Variants in PTPRT observed in about 807,000 individuals in gnomAD.
The protein encoded by PTPRT is protein tyrosine phosphatase receptor type T, also known as receptor-type tyrosine-protein phosphatase T.
Under a neutral mutation model 176.8 loss-of-function variants are expected in PTPRT, and 56 were observed. The observed-to-expected ratio is 0.32, with a 90% CI of 0.26 to 0.40. The LOEUF (loss-of-function observed/expected upper bound fraction) is 0.40. Ranked by LOEUF, PTPRT falls within the 10% of genes least tolerant of loss-of-function variation. The probability of loss-of-function intolerance (pLI) is 1.00; values close to 1 mark genes in which losing one functional copy is unlikely to be tolerated. For missense variants in PTPRT, 1,540 were observed against 1,908.2 expected, an observed-to-expected ratio of 0.81 and a Z score of 3.60; for synonymous variants, 783 against 739.0, an observed-to-expected ratio of 1.06 and a Z score of -0.96.
chr20:42,382,231 T>C (rs1379885911), intron 9 of PTPRT, among the ~76,000 whole-genome samples: 1 of 152,208 alleles, frequency 6.6e-6, no homozygotes, highest in Non-Finnish European at 1.5e-5. Context: ...CAATGGCATC[T>C]ATAGAGGAGA....
chr20:42,099,546 C>CCGGGGGG (rs1985675342), intron 26 of PTPRT, among the ~76,000 whole-genome samples: 1 of 28,898 alleles, frequency 3.5e-5, no homozygotes, highest in Non-Finnish European at 6.8e-5. Flanking sequence ...ATGGCCTGGG[C>CCGGGGGG]GGGGGGGGGG....
At chr20:42,823,181 T>C (rs1224151115) in intron 2 of PTPRT, among the ~76,000 whole-genome samples, 3 of 152,146 alleles carry the variant, frequency 2.0e-5, no homozygotes, top group Non-Finnish European at 2.9e-5. Context: ...ATGTGGTAAA[T>C]ATATACCATG....
intron 15 of PTPRT, among the ~76,000 whole-genome samples, chr20:42,202,462 G>C (rs2146690782): frequency 6.6e-6 from 1 of 152,292 alleles, no homozygotes; most frequent in Non-Finnish European, 1.5e-5. Flanking sequence ...ATTCCAGGCA[G>C]ATATACAACA....
chr20:42,187,530 T>C (rs915216977), intron 16 of PTPRT, among the ~76,000 whole-genome samples: 1 of 152,216 alleles, frequency 6.6e-6, no homozygotes, highest in African/African-American at 2.4e-5. Context: ...TTCTACTACC[T>C]CACATGCAGC....
At chr20:42,592,265 G>A (rs541452090) in intron 7 of PTPRT, among the ~76,000 whole-genome samples, 134 of 151,966 alleles carry the variant, frequency 8.8e-4, no homozygotes, top group Non-Finnish European at 1.5e-3. Flanking sequence ...ATGAGCCACC[G>A]CACCCAGCTT....
At chr20:42,421,224 C>A (rs1418886082) in intron 9 of PTPRT, among the ~76,000 whole-genome samples, 1 of 151,938 alleles carries the variant, frequency 6.6e-6, no homozygotes, top group Non-Finnish European at 1.5e-5. Context: ...GTGTTTCCAG[C>A]AAGTTCCTGA....
chr20:42,989,532 G>A (rs1305722656), intron 1 of PTPRT, among the ~76,000 whole-genome samples: 1 of 152,188 alleles, frequency 6.6e-6, no homozygotes, highest in Non-Finnish European at 1.5e-5. Context: ...TGCCCAGGTA[G>A]AACCAGGGGA....
At chr20:42,822,127 C>T (rs1198690691) in intron 2 of PTPRT, among the ~76,000 whole-genome samples, 3 of 152,160 alleles carry the variant, frequency 2.0e-5, no homozygotes, top group Non-Finnish European at 4.4e-5. Flanking sequence ...AAGCTGGAGG[C>T]ATCAAACTAC....
intron 1 of PTPRT, among the ~76,000 whole-genome samples, chr20:42,958,273 GAGGA>G: frequency 1.5e-4 from 1 of 6,560 alleles, no homozygotes; most frequent in Admixed American, 2.0e-3. Context: ...GGAAGGGTGA[GAGGA>G]GAGGAGGGAA....
chr20:42,593,838 A>G (rs551336683), intron 7 of PTPRT, among the ~76,000 whole-genome samples: 9 of 152,344 alleles, frequency 5.9e-5, no homozygotes, highest in Admixed American at 2.0e-4. Flanking sequence ...TTGAATAAAT[A>G]GGTAAATAGC....
chr20:42,826,437 C>A (rs2077994642), intron 2 of PTPRT, among the ~76,000 whole-genome samples: 1 of 152,198 alleles, frequency 6.6e-6, no homozygotes, highest in Admixed American at 6.5e-5. Context: ...TAGTGCCAAT[C>A]TCTTAAATAT....
rs150145999 is a variant in PTPRT, at chr20:42,536,639, G to C, written c.1154-64077C>G. On this transcript the variant is annotated intron_variant, in intron 7 of 30. Transcript: ENST00000373187. ...CAGTTTACTCATTGGATTGTCTCAA[G>C]ATTAAATAAGGACATACATAAAGTG... Among the ~76,000 whole-genome samples the C allele has an allele frequency of 5.9e-5, 9 of 152,274 alleles. No homozygotes were observed. In the East Asian group the frequency reaches 1.5e-3, roughly 26 times the overall value.
chr20:42,600,844 T>C (rs2145789126), intron 7 of PTPRT, among the ~76,000 whole-genome samples: 1 of 152,346 alleles, frequency 6.6e-6, no homozygotes, highest in Non-Finnish European at 1.5e-5. Context: ...ATTTTCTTTA[T>C]CCAGTCCTCT....
At chr20:43,015,870 T>A (rs1985341674) in intron 1 of PTPRT, among the ~76,000 whole-genome samples, 1 of 142,814 alleles carries the variant, frequency 7.0e-6, no homozygotes, top group African/African-American at 2.6e-5. Flanking sequence ...AAACATAAGA[T>A]AAGAAAACAG....
intron 1 of PTPRT, among the ~76,000 whole-genome samples, chr20:43,154,797 G>A (rs2903630): frequency 0.94 from 142,501 of 152,274 alleles, 67,257 homozygotes; most frequent in Non-Finnish European, 0.99. Context: ...TCTGCAAACT[G>A]TACATCTGAT....
chr20:42,580,495 A>T (rs1192558393), intron 7 of PTPRT, among the ~76,000 whole-genome samples: 1 of 152,130 alleles, frequency 6.6e-6, no homozygotes, highest in Non-Finnish European at 1.5e-5. Flanking sequence ...TACCTTGGGC[A>T]GTATGGCCAT....
intron 6 of PTPRT, among the ~76,000 whole-genome samples, chr20:42,721,704 T>C (rs913666458): frequency 7.2e-5 from 11 of 152,226 alleles, no homozygotes; most frequent in Middle Eastern, 6.3e-3. Context: ...ATTCCTATCA[T>C]GAGCCAGTTT....
chr20:42,649,647 C>G (rs1401688522), intron 7 of PTPRT, among the ~76,000 whole-genome samples: 2 of 152,130 alleles, frequency 1.3e-5, no homozygotes, highest in Admixed American at 1.3e-4. Context: ...AGTAATAACT[C>G]CCTCATCTCT....
intron 6 of PTPRT, among the ~76,000 whole-genome samples, chr20:42,737,369 G>A (rs1216612550): frequency 1.3e-5 from 2 of 152,156 alleles, no homozygotes; most frequent in African/African-American, 2.4e-5. Flanking sequence ...GGTGGCTCAC[G>A]CCTGTAATCC....
Sources: gnomAD v4.1 joint callset for allele counts (sites outside exome capture counted in the v4.1 genomes callset) on GRCh38, gnomAD v4.1.1 for gene constraint, MANE v1.5 for transcripts, NCBI Gene and HGNC (gene_info 2026-07-23, HGNC 2026-07-21) for gene names.